Variants in LCN12 observed in about 807,000 individuals in gnomAD.
LCN12 encodes lipocalin 12.
A neutral mutation model predicts 23.7 loss-of-function variants in LCN12; 15 were observed. The observed-to-expected ratio is 0.63, with a 90% CI of 0.42 to 0.97. The LOEUF (loss-of-function observed/expected upper bound fraction) is 0.97, where lower values mean the gene tolerates loss of function less well. Ranked by LOEUF, LCN12 falls within the 50% of genes least tolerant of loss-of-function variation. The pLI is 0.00. For missense variants in LCN12, 219 were observed against 249.6 expected (o/e 0.88, Z 0.83); for synonymous variants, 116 against 111.5 (o/e 1.04, Z -0.25).
chr9:136,953,591 C>T, intron 2 of LCN12, 109 bp from the exon 3 acceptor site: 1 of 750,892 alleles, frequency 1.3e-6, no homozygotes, highest in South Asian at 1.9e-5. Flanking sequence ...CTTGGCCACT[C>T]CCGCCGTGGG....
Position 136,952,957 on chromosome 9 carries a change from G to A in LCN12, c.180G>A (p.Leu60=), listed in dbSNP as rs1851199764. The change falls in exon 2 of 6, where the codon CTG becomes CTA. Residue 60 remains leucine, a synonymous_variant. Coordinates refer to ENST00000371633, the MANE Select transcript of LCN12 (RefSeq NM_178536.4). ...GNSFRPEHRA[L]LNAFTATFEL... ...GCTTCAGGCCGGAGCACAGGGCGCT[G>A]CTGAACGCTTTCACCGCAACTTTTG... is the stretch of plus-strand genomic sequence containing the variant. 1 of 1,613,904 alleles carries A rather than the reference G, an allele frequency of 6.2e-7. No individual in the cohort carries two copies. The highest frequency in any genetic ancestry group is 1.1e-5 in the South Asian group (1 of 91,094).
chr9:136,951,095 C>G (rs1475607727), upstream of LCN12, among the ~76,000 whole-genome samples: 1 of 151,704 alleles, frequency 6.6e-6, no homozygotes, highest in Non-Finnish European at 1.5e-5. Flanking sequence ...TTGGTGACCC[C>G]TAACATGGAG....
upstream of LCN12, chr9:136,952,201 G>A: frequency 1.4e-6 from 1 of 711,290 alleles, no homozygotes; most frequent in South Asian, 1.6e-5. Flanking sequence ...CCTGAGGAGG[G>A]AGGCAGAGGG....
At chr9:136,953,991 CGT>C in intron 4 of LCN12, 27 bp downstream of exon 4, 1 of 1,600,910 alleles carries the variant, frequency 6.2e-7, no homozygotes, top group African/African-American at 1.3e-5. Context: ...GTCCTGGGCC[CGT>C]GTGTGGCCCT....
chr9:136,953,764 G>A lies in LCN12; in HGVS notation c.316G>A (p.Val106Met). 6.2e-7 allele frequency: 1 copy of A among 1,606,200 alleles called. No individual in the cohort carries two copies. Among genetic ancestry groups the A allele is most frequent in the Non-Finnish European group, 8.5e-7 (1 of 1,176,698 alleles). ...IPAAQPGQFT[V>M]DHGVEPGADR... Reference sequence around the variant, plus strand: ...GGCAGCCCAGCCTGGGCAGTTCACTGTGGACCACGGTGTGGGTAAGCCAGT... The same window carrying A: ...GGCAGCCCAGCCTGGGCAGTTCACTATGGACCACGGTGTGGGTAAGCCAGT... Residue 106 changes from valine to methionine, a missense_variant, in exon 3 of 6, where the codon GTG becomes ATG. Transcript: ENST00000371633.
At chr9:136,954,833 C>T (rs4880081) in intron 5 of LCN12, 430,913 of 1,271,656 alleles carry the variant, frequency 0.34, 75,513 homozygotes, top group East Asian at 0.5. Flanking sequence ...CGAGGTCAGC[C>T]TGAGTCCCTC....
chr9:136,954,592 C>T (rs1014632239), intron 5 of LCN12: 5 of 552,256 alleles, frequency 9.1e-6, no homozygotes, highest in African/African-American at 8.0e-5. Context: ...CACCCCGGGT[C>T]TCCTGTCCTG....
chr9:136,954,646 C>A, intron 5 of LCN12: 2 of 1,134,018 alleles, frequency 1.8e-6, no homozygotes, highest in Non-Finnish European at 2.4e-6. Flanking sequence ...GGGCCATCTC[C>A]TCCCTCTGGG....
chr9:136,954,126 G>T, intron 4 of LCN12, 28 bp from the exon 5 acceptor site: 3 of 1,532,000 alleles, frequency 2.0e-6, no homozygotes, highest in South Asian at 2.5e-5. Flanking sequence ...CAAGTGCACA[G>T]ACCCATGCTG....
chr9:136,952,992 A>G lies in LCN12; in HGVS notation c.215A>G (p.Asp72Gly). Residue 72 changes from aspartate (D) to glycine (G), a missense_variant, in exon 2 of 6, where the codon GAT becomes GGT. Asp to Gly is a moderately conservative substitution (Grantham distance 94). Coordinates refer to ENST00000371633, the MANE Select transcript of LCN12 (RefSeq NM_178536.4). ...NAFTATFELSDDGRFEVWNAM... is the reference protein window; with the variant it reads ...NAFTATFELSGDGRFEVWNAM... ...TTCACCGCAACTTTTGAGCTAAGTG[A>G]TGATGGCCGCTTTGAGGTGTGGAAT... The G allele has an allele frequency of 2.5e-6, 4 of 1,614,014 alleles. No homozygotes were observed. The highest frequency in any genetic ancestry group is 1.1e-5 in the South Asian group (1 of 91,088).
chr9:136,949,602 G>A (rs577114523), upstream of LCN12: 1 of 152,890 alleles, frequency 6.5e-6, no homozygotes, highest in Non-Finnish European at 1.5e-5. Flanking sequence ...AGAGTGGGAA[G>A]AGAGAGGGGA....
chr9:136,954,659 C>A, intron 5 of LCN12: 1 of 1,211,334 alleles, frequency 8.3e-7, no homozygotes, highest in Non-Finnish European at 1.1e-6. Context: ...CCTCTGGGTC[C>A]CCTGTCCTGG....
rs769723354 is a variant in LCN12, at chr9:136,952,317, C to G, written c.-11C>G. ...CTTCTCTCTGTCCCTGTGGGCCCAG[C>G]AGCTGCCAGGATGAGGCTGCTGTGT... On this transcript the variant is annotated 5_prime_UTR_variant, in exon 1 of 6. Transcript: ENST00000371633. 7.5e-6 allele frequency: 12 copies of G among 1,594,878 alleles called. No homozygotes were observed. Among genetic ancestry groups the G allele is most frequent in the Non-Finnish European group, 1.0e-5 (12 of 1,166,784 alleles).
chr9:136,952,975 A>G lies in LCN12; in HGVS notation c.198A>G (p.Ala66=). ...EHRALLNAFT[A]TFELSDDGRF... ...GGGCGCTGCTGAACGCTTTCACCGC[A>G]ACTTTTGAGCTAAGTGATGATGGCC... Residue 66 remains alanine, a synonymous_variant, in exon 2 of 6, where the codon GCA becomes GCG. Coordinates refer to ENST00000371633, the MANE Select transcript of LCN12 (RefSeq NM_178536.4). 6.2e-7 allele frequency: 1 copy of G among 1,613,900 alleles called. No homozygotes were observed. Among genetic ancestry groups the G allele is most frequent in the Non-Finnish European group, 8.5e-7 (1 of 1,179,916 alleles).
intron 2 of LCN12, 144 bp downstream of exon 2, chr9:136,953,172 G>A: frequency 8.6e-7 from 1 of 1,157,186 alleles, no homozygotes; most frequent in Non-Finnish European, 1.2e-6. Context: ...AACCCAGCTG[G>A]GGAGTATACA....
chr9:136,954,686 A>T, intron 5 of LCN12: 1 of 1,282,528 alleles, frequency 7.8e-7, no homozygotes, highest in Non-Finnish European at 1.0e-6. Context: ...TCCTCCCCTC[A>T]CCCATCCCTG....
At chr9:136,955,113 G>A in intron 5 of LCN12, 1 of 1,415,724 alleles carries the variant, frequency 7.1e-7, no homozygotes, top group African/African-American at 1.4e-5. Context: ...TGAGTCTGGG[G>A]GCCCATGGGG....
upstream of LCN12, chr9:136,952,246 G>A (rs1260422392): frequency 6.3e-6 from 6 of 945,942 alleles, no homozygotes; most frequent in Non-Finnish European, 1.0e-5. Flanking sequence ...TGCTGGGTAT[G>A]TGCATGAAGA....
At position 136,954,215 on chromosome 9, in the gene LCN12, G is replaced by A; in HGVS notation, c.510G>A (p.Gln170=). 1 of 1,577,836 alleles carries A rather than the reference G, an allele frequency of 6.3e-7. No homozygotes were observed. The highest frequency in any genetic ancestry group is 8.6e-7 in the Non-Finnish European group (1 of 1,161,236). ...AGTTCATCTGCCTGGGCAGAGCTCA[G>A]GGCCTCTCGGATGACAACATCGTCT... ...LDQFICLGRA[Q]GLSDDNIVFP... Residue 170 remains glutamine (Q), a synonymous_variant, in exon 5 of 6, where the codon CAG becomes CAA. Transcript: ENST00000371633.
Sources: allele counts gnomAD v4.1 joint callset (sites outside exome capture counted in the v4.1 genomes callset), GRCh38; gene constraint gnomAD v4.1.1; transcripts MANE v1.5; gene names NCBI Gene and HGNC (gene_info 2026-07-23, HGNC 2026-07-21).